The following DLGAP2 variants were observed in gnomAD, a reference collection of about 807,000 sequenced individuals.
DLGAP2 encodes DLG associated protein 2.
A neutral mutation model predicts 100.3 loss-of-function variants in DLGAP2; 26 were observed. That is an observed-to-expected ratio of 0.26 (90% confidence interval 0.19 to 0.36). The LOEUF is 0.36. Ranked by LOEUF, DLGAP2 falls within the 10% of genes least tolerant of loss-of-function variation. The probability of loss-of-function intolerance (pLI) is 1.00; values close to 1 mark genes in which losing one functional copy is unlikely to be tolerated. For synonymous variants in DLGAP2, 886 were observed against 630.1 expected, an observed-to-expected ratio of 1.41 and a Z score of -6.08; for missense variants, 1,858 against 1,453.2, an observed-to-expected ratio of 1.28 and a Z score of -4.53.
intron 3 of DLGAP2, among the ~76,000 whole-genome samples, chr8:1,343,957 G>T (rs1258433504): frequency 1.3e-5 from 2 of 152,216 alleles, no homozygotes; most frequent in Non-Finnish European, 2.9e-5. Flanking sequence ...GAGGGCAGGT[G>T]TACAGAGAAA....
At chr8:1,357,401 C>CTT (rs5888828) in intron 3 of DLGAP2, among the ~76,000 whole-genome samples, 21,019 of 144,422 alleles carry the variant, frequency 0.15, 1,908 homozygotes, top group East Asian at 0.31. Flanking sequence ...GGTGCCAAAT[C>CTT]TTTTTTTTTT....
At chr8:1,061,933 G>A (rs1309128765) in intron 2 of DLGAP2, among the ~76,000 whole-genome samples, 1 of 151,926 alleles carries the variant, frequency 6.6e-6, no homozygotes, top group Non-Finnish European at 1.5e-5. Context: ...GCACTGTGAC[G>A]CTCCCTAGGA....
intron 3 of DLGAP2, among the ~76,000 whole-genome samples, chr8:1,292,987 C>A (rs1168635108): frequency 7.2e-5 from 11 of 152,154 alleles, no homozygotes; most frequent in Admixed American, 6.5e-5. Flanking sequence ...AACGGCTGTT[C>A]CTCGTGTCTC....
At chr8:1,178,688 C>G (rs1396697123) in intron 2 of DLGAP2, among the ~76,000 whole-genome samples, 1 of 152,114 alleles carries the variant, frequency 6.6e-6, no homozygotes, top group Non-Finnish European at 1.5e-5. Context: ...GGGAAGTGCA[C>G]AAAATGTAGA....
At chr8:910,827 CT>C (rs200109260) in intron 2 of DLGAP2, among the ~76,000 whole-genome samples, 1 of 151,918 alleles carries the variant, frequency 6.6e-6, no homozygotes. Context: ...TCCTTAGCAC[CT>C]TTTTTTTGGT....
intron 2 of DLGAP2, among the ~76,000 whole-genome samples, chr8:964,748 C>G (rs1245298776): frequency 1.3e-5 from 2 of 152,198 alleles, no homozygotes; most frequent in Admixed American, 6.5e-5. Context: ...TGGGCACCGC[C>G]TCCACCTACC....
chr8:1,685,060 C>T (rs1190915107), intron 12 of DLGAP2, among the ~76,000 whole-genome samples: 1 of 152,098 alleles, frequency 6.6e-6, no homozygotes, highest in Admixed American at 6.5e-5. Flanking sequence ...CCAGAATGAC[C>T]ACAAGTCCTA....
intron 2 of DLGAP2, among the ~76,000 whole-genome samples, chr8:1,172,834 C>G (rs1023095730): frequency 6.6e-6 from 1 of 152,062 alleles, no homozygotes; most frequent in Admixed American, 6.6e-5. Flanking sequence ...TTTGAATTTC[C>G]TCCTGTAGCT....
chr8:986,842 T>C (rs1439633107), intron 2 of DLGAP2, among the ~76,000 whole-genome samples: 1 of 152,034 alleles, frequency 6.6e-6, no homozygotes, highest in Non-Finnish European at 1.5e-5. Flanking sequence ...GTATTTTTGG[T>C]AGAGATGGGG....
intron 2 of DLGAP2, among the ~76,000 whole-genome samples, chr8:1,155,197 G>A (rs903799264): frequency 6.6e-6 from 1 of 152,196 alleles, no homozygotes; most frequent in Non-Finnish European, 1.5e-5. Context: ...GCACACACCA[G>A]GGTTTCTAGG....
intron 3 of DLGAP2, among the ~76,000 whole-genome samples, chr8:1,413,611 T>G (rs1796794453): frequency 1.3e-5 from 2 of 152,266 alleles, no homozygotes; most frequent in Non-Finnish European, 1.5e-5. Flanking sequence ...TCGAAGGCCC[T>G]TCTCTGGATG....
At chr8:1,556,593 A>T (rs1363295795) in intron 5 of DLGAP2, among the ~76,000 whole-genome samples, 1 of 152,150 alleles carries the variant, frequency 6.6e-6, no homozygotes, top group East Asian at 1.9e-4. Flanking sequence ...GGAAGGGCTG[A>T]CCCAACCCAA....
intron 2 of DLGAP2, among the ~76,000 whole-genome samples, chr8:1,114,621 C>A (rs1364464652): frequency 6.6e-6 from 1 of 151,466 alleles, no homozygotes. Flanking sequence ...AGCAGCCTAT[C>A]TTACTAATTT....
At chr8:1,314,743 G>C (rs1047281321) in intron 3 of DLGAP2, among the ~76,000 whole-genome samples, 1 of 152,214 alleles carries the variant, frequency 6.6e-6, no homozygotes, top group Admixed American at 6.5e-5. Flanking sequence ...ACTTTCGGGG[G>C]TCTCCCTATG....
chr8:1,612,836 T>C (rs1448424668), intron 6 of DLGAP2, among the ~76,000 whole-genome samples: 1 of 96,702 alleles, frequency 1.0e-5, no homozygotes, highest in Non-Finnish European at 2.0e-5. Flanking sequence ...TCAAAACCAC[T>C]ATGAGATATC....
intron 3 of DLGAP2, among the ~76,000 whole-genome samples, chr8:1,432,952 G>A (rs1204752245): frequency 1.3e-5 from 2 of 152,168 alleles, no homozygotes; most frequent in Non-Finnish European, 2.9e-5. Flanking sequence ...GGAAGACCCA[G>A]GGCCCGCTGT....
chr8:1,381,232 C>T (rs1796086667), intron 3 of DLGAP2: 1 of 152,184 alleles, frequency 6.6e-6, no homozygotes, highest in African/African-American at 2.4e-5. Context: ...CATTTAACCT[C>T]ACCACCAATT....
intron 1 of DLGAP2, among the ~76,000 whole-genome samples, chr8:774,528 AG>A (rs1821458100): frequency 6.7e-6 from 1 of 150,234 alleles, no homozygotes; most frequent in South Asian, 2.1e-4. Flanking sequence ...TTTTTGTATA[AG>A]GTGTAAGGAA....
intron 2 of DLGAP2, among the ~76,000 whole-genome samples, chr8:1,045,506 C>G (rs1802490331): frequency 6.6e-6 from 1 of 152,166 alleles, no homozygotes; most frequent in Admixed American, 6.5e-5. Context: ...GGATGAAACC[C>G]TTAAAATCTG....
Sources: gnomAD v4.1 joint callset for allele counts (sites outside exome capture counted in the v4.1 genomes callset) on GRCh38, gnomAD v4.1.1 for gene constraint, MANE v1.5 for transcripts, NCBI Gene and HGNC (gene_info 2026-07-23, HGNC 2026-07-21) for gene names.